The following ZC3H12B variants were observed in gnomAD, a reference collection of about 807,000 sequenced individuals.
ZC3H12B encodes zinc finger CCCH-type containing 12B, also known as probable ribonuclease ZC3H12B.
ZC3H12B carries 7 observed loss-of-function variants against 43.9 expected under a neutral mutation model. The ratio of observed to expected loss-of-function variants is 0.16; its 90% CI spans 0.09 to 0.30. The LOEUF is 0.30. ZC3H12B is among the 10% of genes least tolerant of loss of function. ZC3H12B has a pLI of 1.00. For missense variants in ZC3H12B, 475 were observed against 670.2 expected (o/e 0.71, Z 3.22); for synonymous variants, 222 against 241.7 (o/e 0.92, Z 0.76).
chrX:65,173,407 C>G, the ZC3H12B span, among the ~76,000 whole-genome samples: 1 of 111,313 alleles, frequency 9.0e-6, no homozygotes, highest in Admixed American at 9.6e-5. Context: ...TTTGAGTATG[C>G]TTTATTTTTT....
At chrX:65,247,276 T>C in the ZC3H12B span, among the ~76,000 whole-genome samples, 25 of 112,409 alleles carry the variant, frequency 2.2e-4, no homozygotes, top group African/African-American at 7.4e-4. Flanking sequence ...GGAATGCTTA[T>C]ACACTGTTGG....
the ZC3H12B span, among the ~76,000 whole-genome samples, chrX:65,096,838 G>T: frequency 9.0e-6 from 1 of 111,150 alleles, no homozygotes; most frequent in Non-Finnish European, 1.9e-5. Flanking sequence ...TATTGTTATT[G>T]AAAATATATT....
At chrX:65,057,668 T>C in the ZC3H12B span, among the ~76,000 whole-genome samples, 1 of 112,231 alleles carries the variant, frequency 8.9e-6, no homozygotes, top group African/African-American at 3.2e-5. Context: ...GATAATATCC[T>C]GCAGAGTGTT....
At chrX:65,484,334 A>C (rs1432738475), upstream of ZC3H12B, among the ~76,000 whole-genome samples, 1 of 111,964 alleles carries the variant, frequency 8.9e-6, no homozygotes, top group African/African-American at 3.2e-5. Context: ...AAACCTGCAC[A>C]TGTAGCCCTG....
chrX:65,500,075 C>G, intron 4 of ZC3H12B, 86 bp downstream of exon 9: 1 of 740,591 alleles, frequency 1.4e-6, no homozygotes, highest in Non-Finnish European at 2.0e-6. Context: ...GTTTCCCTTT[C>G]AAATGGGAAA....
the ZC3H12B span, among the ~76,000 whole-genome samples, chrX:65,330,046 C>T: frequency 9.0e-6 from 1 of 111,247 alleles, no homozygotes; most frequent in African/African-American, 3.3e-5. Flanking sequence ...TTTTTTGGTT[C>T]CATATGAACT....
rs1441613010 is a variant in ZC3H12B at position 65,457,507 on chromosome X, C to T, written n.408-31139C>T. Among the ~76,000 whole-genome samples, 144 of 90,595 alleles carry T rather than the reference C, an allele frequency of 1.6e-3. 2 individuals are homozygous for T. The highest frequency in any genetic ancestry group is 0.016 in the Middle Eastern group (3 of 193). The allele number at this position is 90,595 out of a possible 115,157, so 78.7% of individuals were successfully genotyped here. On this transcript the variant is annotated intron_variant and non_coding_transcript_variant, in intron 3 of 5. Coordinates refer to the ZC3H12B transcript ENST00000617377. ...GAGGTGAGGGGCGCTTCTTCCCGGC[C>T]GCCCCTACTGGGAAGTGGGGAGCCC... is the stretch of plus-strand genomic sequence containing the variant.
chrX:65,134,105 C>T, the ZC3H12B span, among the ~76,000 whole-genome samples: 1 of 110,492 alleles, frequency 9.1e-6, no homozygotes, highest in African/African-American at 3.3e-5. Context: ...AGAACACAGG[C>T]TAAGGGAGAA....
chrX:65,379,845 G>A (rs1431104927), intron 2 of ZC3H12B, among the ~76,000 whole-genome samples: 3 of 112,375 alleles, frequency 2.7e-5, no homozygotes, highest in Admixed American at 9.4e-5. Flanking sequence ...TCAACTGGAA[G>A]AAAGGGTGTC....
chrX:65,079,501 A>G, the ZC3H12B span, among the ~76,000 whole-genome samples: 12 of 112,009 alleles, frequency 1.1e-4, no homozygotes, highest in Admixed American at 3.8e-4. Context: ...GTGTCACTCT[A>G]CCCCCACCTA....
At chrX:65,161,015 T>C in the ZC3H12B span, among the ~76,000 whole-genome samples, 1 of 111,425 alleles carries the variant, frequency 9.0e-6, no homozygotes, top group African/African-American at 3.3e-5. Context: ...CATTTTGTTA[T>C]GTACCCAGTA....
At chrX:65,129,509 G>A in the ZC3H12B span, among the ~76,000 whole-genome samples, 1 of 109,356 alleles carries the variant, frequency 9.1e-6, no homozygotes, top group African/African-American at 3.3e-5. Flanking sequence ...GGGTCACAAG[G>A]TGCTCAGTGG....
the ZC3H12B span, among the ~76,000 whole-genome samples, chrX:65,056,411 T>A: frequency 8.9e-6 from 1 of 111,952 alleles, no homozygotes; most frequent in African/African-American, 3.2e-5. Flanking sequence ...TGAGTGAGTT[T>A]CTTAATCCTG....
the ZC3H12B span, among the ~76,000 whole-genome samples, chrX:65,229,228 C>T: frequency 1.8e-5 from 2 of 110,932 alleles, no homozygotes; most frequent in East Asian, 2.8e-4. Flanking sequence ...GAAATAACAC[C>T]TCATATCTAC....
intron 3 of ZC3H12B, among the ~76,000 whole-genome samples, chrX:65,432,692 T>C (rs2067177498): frequency 8.9e-6 from 1 of 112,221 alleles, no homozygotes; most frequent in Admixed American, 9.5e-5. Context: ...TTCTCAGTTG[T>C]AGAATGGGCC....
At chrX:65,213,045 T>C in the ZC3H12B span, among the ~76,000 whole-genome samples, 6 of 109,075 alleles carry the variant, frequency 5.5e-5, no homozygotes, top group Admixed American at 4.1e-4. Flanking sequence ...CATTCCCTAC[T>C]CTCTTCTCCA....
At chrX:65,453,602 G>T (rs2067556293) in intron 3 of ZC3H12B, among the ~76,000 whole-genome samples, 1 of 105,523 alleles carries the variant, frequency 9.5e-6, no homozygotes, top group Non-Finnish European at 1.9e-5. Context: ...CACGCCTGTA[G>T]TCCCAGCTAC....
chrX:65,128,879 G>T, the ZC3H12B span, among the ~76,000 whole-genome samples: 1 of 111,187 alleles, frequency 9.0e-6, no homozygotes, highest in South Asian at 3.7e-4. Flanking sequence ...CTTTCCATTG[G>T]TTAAGGTTTG....
chrX:65,234,934 A>T, the ZC3H12B span, among the ~76,000 whole-genome samples: 1 of 112,108 alleles, frequency 8.9e-6, no homozygotes, highest in Non-Finnish European at 1.9e-5. Flanking sequence ...AACTGAGAAC[A>T]TACAGTGTTT....
Sources: gnomAD v4.1 joint callset for allele counts (sites outside exome capture counted in the v4.1 genomes callset) on GRCh38, gnomAD v4.1.1 for gene constraint, MANE v1.5 for transcripts, NCBI Gene and HGNC (gene_info 2026-07-23, HGNC 2026-07-21) for gene names.